Variants in CTIF observed in about 807,000 individuals in gnomAD.
CTIF encodes the protein cap binding complex dependent translation initiation factor.
In CTIF, 21 loss-of-function variants were observed where a neutral mutation model predicts 66.0. That is an observed-to-expected ratio of 0.32 (90% confidence interval 0.23 to 0.46). The LOEUF (loss-of-function observed/expected upper bound fraction) is 0.46, where lower values mean the gene tolerates loss of function less well. CTIF is among the 20% of genes least tolerant of loss of function. CTIF has a pLI of 1.00. For missense variants in CTIF, 739 were observed against 812.7 expected, an observed-to-expected ratio of 0.91 and a Z score of 1.10; for synonymous variants, 345 against 326.4, an observed-to-expected ratio of 1.06 and a Z score of -0.62.
intron 10 of CTIF, among the ~76,000 whole-genome samples, chr18:48,843,547 T>C (rs1202168028): frequency 2.0e-5 from 3 of 151,708 alleles, no homozygotes; most frequent in African/African-American, 7.3e-5. Context: ...TGAGGCCCCA[T>C]TTATAATGGG....
intron 6 of CTIF, among the ~76,000 whole-genome samples, chr18:48,672,801 G>A (rs549183108): frequency 1.3e-5 from 2 of 152,174 alleles, no homozygotes; most frequent in African/African-American, 4.8e-5. Context: ...CCCCATCTCC[G>A]GCCCCTTCTG....
intron 1 of CTIF, among the ~76,000 whole-genome samples, chr18:48,615,058 A>C (rs1183093329): frequency 6.6e-6 from 1 of 152,076 alleles, no homozygotes; most frequent in East Asian, 1.9e-4. Context: ...ATGCTCAGCT[A>C]ATTTTTAAAA....
At chr18:48,781,046 C>T (rs1442077597) in intron 9 of CTIF, among the ~76,000 whole-genome samples, 1 of 152,228 alleles carries the variant, frequency 6.6e-6, no homozygotes, top group Non-Finnish European at 1.5e-5. Flanking sequence ...TCCCTGCCTT[C>T]ACGGAGCTTC....
chr18:48,821,162 C>T (rs906836149), intron 10 of CTIF, among the ~76,000 whole-genome samples: 3 of 152,204 alleles, frequency 2.0e-5, no homozygotes, highest in Admixed American at 2.0e-4. Context: ...GTGTGGCACC[C>T]CCTCAGCACA....
intron 1 of CTIF, among the ~76,000 whole-genome samples, chr18:48,569,691 A>G (rs578156397): frequency 2.0e-5 from 3 of 152,158 alleles, no homozygotes; most frequent in Non-Finnish European, 2.9e-5. Flanking sequence ...CTCCTCCTCC[A>G]AAGACCAGTT....
chr18:48,721,562 C>T (rs2092336243), intron 7 of CTIF, among the ~76,000 whole-genome samples: 2 of 152,240 alleles, frequency 1.3e-5, no homozygotes, highest in South Asian at 4.1e-4. Context: ...GCGAGGCTCA[C>T]TGGCTTCAAG....
chr18:48,667,028 A>C (rs543847657), intron 5 of CTIF, among the ~76,000 whole-genome samples: 8 of 151,724 alleles, frequency 5.3e-5, no homozygotes, highest in East Asian at 3.9e-4. Context: ...CAGTGTAGCC[A>C]GTCTGTCACT....
chr18:48,665,142 C>T (rs2091416350), intron 5 of CTIF, among the ~76,000 whole-genome samples: 1 of 151,772 alleles, frequency 6.6e-6, no homozygotes, highest in Non-Finnish European at 1.5e-5. Flanking sequence ...TCTCGATCTC[C>T]TGACCTCATG....
At chr18:48,635,564 T>A (rs2144616206) in intron 2 of CTIF, among the ~76,000 whole-genome samples, 1 of 152,238 alleles carries the variant, frequency 6.6e-6, no homozygotes, top group Non-Finnish European at 1.5e-5. Flanking sequence ...TGGGTTCAAG[T>A]GATCTCCTGT....
intron 3 of CTIF, among the ~76,000 whole-genome samples, chr18:48,640,776 T>C (rs1185989487): frequency 6.6e-6 from 1 of 152,258 alleles, no homozygotes; most frequent in African/African-American, 2.4e-5. Context: ...AGATTAGTCA[T>C]ACACTGGGAT....
At chr18:48,691,765 C>T (rs1172037612) in intron 6 of CTIF, among the ~76,000 whole-genome samples, 1 of 152,188 alleles carries the variant, frequency 6.6e-6, no homozygotes, top group Non-Finnish European at 1.5e-5. Flanking sequence ...TCTCCCCTGG[C>T]CTGAGACAGA....
rs201039241 is a variant in CTIF, at chr18:48,619,680, G to A, written c.115G>A (p.Gly39Arg). 1.9e-6 allele frequency: 3 copies of A among 1,608,352 alleles called. No homozygotes were observed. Among genetic ancestry groups the A allele is most frequent in the Admixed American group, 1.7e-5 (1 of 59,310 alleles). The part of the protein sequence containing the change: ...DSYVLEYQVQ[G>R]LLADKTEGDG... ...CTACGTGCTGGAGTACCAGGTGCAGGGGCTGCTGGCTGACAAGACGGAGGG... is the reference window on the plus strand; with the variant it reads ...CTACGTGCTGGAGTACCAGGTGCAGAGGCTGCTGGCTGACAAGACGGAGGG... Residue 39 changes from glycine to arginine, a missense_variant, in exon 2 of 12, where the codon GGG (glycine) becomes AGG (arginine). Transcript: ENST00000256413.
At chr18:48,708,272 C>T (rs996851493) in intron 6 of CTIF, among the ~76,000 whole-genome samples, 1 of 152,188 alleles carries the variant, frequency 6.6e-6, no homozygotes, top group African/African-American at 2.4e-5. Context: ...TGACTCAGTA[C>T]AGACTTTCTC....
intron 2 of CTIF, among the ~76,000 whole-genome samples, chr18:48,621,938 A>G (rs1447521050): frequency 1.3e-5 from 2 of 152,202 alleles, no homozygotes; most frequent in Non-Finnish European, 2.9e-5. Context: ...TTCATCCACA[A>G]TGACAGGAGG....
At chr18:48,796,594 TATC>T (rs2067925174) in intron 9 of CTIF, among the ~76,000 whole-genome samples, 1 of 152,104 alleles carries the variant, frequency 6.6e-6, no homozygotes, top group African/African-American at 2.4e-5. Flanking sequence ...GAAAGTAGCT[TATC>T]AACATGGACA....
At chr18:48,546,267 A>G (rs763062680) in intron 1 of CTIF, among the ~76,000 whole-genome samples, 16 of 152,240 alleles carry the variant, frequency 1.1e-4, no homozygotes, top group Admixed American at 2.0e-4. Flanking sequence ...CAGTCTTTGC[A>G]TGTTTGAATT....
chr18:48,757,893 C>G, intron 7 of CTIF, 26 bp from the exon 8 acceptor site: 8 of 1,595,762 alleles, frequency 5.0e-6, no homozygotes, highest in Non-Finnish European at 6.8e-6. Flanking sequence ...TGATCGCCTT[C>G]TCTGTCTTTC....
At chr18:48,821,024 A>G (rs2068472898) in intron 10 of CTIF, among the ~76,000 whole-genome samples, 1 of 152,056 alleles carries the variant, frequency 6.6e-6, no homozygotes, top group African/African-American at 2.4e-5. Flanking sequence ...ACATCCTTTC[A>G]CACCCTGACC....
intron 1 of CTIF, among the ~76,000 whole-genome samples, chr18:48,605,208 G>C (rs2090181048): frequency 6.6e-6 from 1 of 152,176 alleles, no homozygotes; most frequent in Non-Finnish European, 1.5e-5. Flanking sequence ...CATTCCATAT[G>C]GTTTTCCACA....
Sources: gnomAD v4.1 joint callset for allele counts (sites outside exome capture counted in the v4.1 genomes callset) on GRCh38, gnomAD v4.1.1 for gene constraint, MANE v1.5 for transcripts, NCBI Gene and HGNC (gene_info 2026-07-23, HGNC 2026-07-21) for gene names.